OSBPL5: variants seen among roughly 807,000 people sequenced by gnomAD.
OSBPL5 encodes the protein oxysterol-binding protein-related protein 5.
A neutral mutation model predicts 111.2 loss-of-function variants in OSBPL5; 71 were observed. The observed-to-expected ratio is 0.64, with a 90% CI of 0.53 to 0.78. The LOEUF (loss-of-function observed/expected upper bound fraction) is 0.78. OSBPL5 is among the 30% of genes least tolerant of loss of function. The probability of loss-of-function intolerance (pLI) is 0.00; values close to 1 mark genes in which losing one functional copy is unlikely to be tolerated. For synonymous variants in OSBPL5, 549 were observed against 513.9 expected, an observed-to-expected ratio of 1.07 and a Z score of -0.93; for missense variants, 1,210 against 1,189.3, an observed-to-expected ratio of 1.02 and a Z score of -0.26.
intron 7 of OSBPL5, among the ~76,000 whole-genome samples, chr11:3,117,177 A>C (rs976937685): frequency 6.6e-6 from 1 of 152,200 alleles, no homozygotes; most frequent in African/African-American, 2.4e-5. Flanking sequence ...GCCTGGAATG[A>C]TGTGCTTTCC....
rs1857022620 is a variant in OSBPL5 at position 3,090,603 on chromosome 11, A to C, written c.2353T>G (p.Cys785Gly). The stretch of plus-strand genomic sequence containing the variant: ...TGCTCCTCGTCTGAGAGCTCTGGGC[A>C]GGACTCAGGCGTGGATCCGCTGCTC... ...TESSGSTPESCPELSDEEQDG... is the reference protein window; with the variant it reads ...TESSGSTPESGPELSDEEQDG... The change falls in exon 20 of 22, where the codon TGC (cysteine) becomes GGC (glycine). Residue 785 changes from cysteine (C) to glycine (G), a missense_variant. Coordinates refer to ENST00000263650, the MANE Select transcript of OSBPL5 (RefSeq NM_020896.4). The C allele has an allele frequency of 1.2e-6, 2 of 1,613,050 alleles. No individual in the cohort carries two copies. Among genetic ancestry groups the C allele is most frequent in the African/African-American group, 1.3e-5 (1 of 74,940 alleles).
At position 3,107,309 on chromosome 11, in the gene OSBPL5, C is replaced by T. The variant is rs77195727; in HGVS notation, c.1013G>A (p.Arg338Gln). 8.3e-5 allele frequency: 134 copies of T among 1,613,592 alleles called. No homozygotes were observed. Among genetic ancestry groups the T allele is most frequent in the Middle Eastern group, 3.3e-4 (2 of 6,058 alleles). Residue 338 changes from arginine to glutamine, a missense_variant, in exon 9 of 22, where the codon CGG (arginine) becomes CAG (glutamine). Arg to Gln is a conservative substitution (Grantham distance 43). Coordinates refer to ENST00000263650, the MANE Select transcript of OSBPL5 (RefSeq NM_020896.4). This position sits in a 1 kb window ranked among gnomAD's most constrained non-coding sequence, Gnocchi z 6.1. The part of the protein sequence containing the change: ...DQSETPGAPV[R>Q]RGTTYVEQVQ... ...CTGCTCCACATAGGTGGTCCCTCTC[C>T]GCACCGGGGCCCCAGGGGTCTCTGA... is the stretch of plus-strand genomic sequence containing the variant.
At chr11:3,144,623 C>A (rs1475239936) in intron 1 of OSBPL5, among the ~76,000 whole-genome samples, 1 of 152,264 alleles carries the variant, frequency 6.6e-6, no homozygotes, top group East Asian at 1.9e-4. Context: ...TGAGCAGCCA[C>A]ACACGTGGGT....
Position 3,122,399 on chromosome 11 carries a change from G to A in OSBPL5, c.249C>T (p.Asp83=). The change falls in exon 4 of 22, where the codon GAC becomes GAT. Residue 83 remains aspartate, a synonymous_variant. Coordinates refer to ENST00000263650, the MANE Select transcript of OSBPL5 (RefSeq NM_020896.4). ...TGGCGGTGGGGGACACACATTCCTT[G>A]TCTGACCCGTTGCACAGCCTGTACT... ...PAEYRLCNGS[D]KECVSPTARV... 1.2e-6 allele frequency: 2 copies of A among 1,613,906 alleles called. No individual in the cohort carries two copies. Among genetic ancestry groups the A allele is most frequent in the Non-Finnish European group, 1.7e-6 (2 of 1,179,978 alleles).
intron 14 of OSBPL5, among the ~76,000 whole-genome samples, chr11:3,098,075 A>G (rs1035531837): frequency 6.6e-6 from 1 of 152,160 alleles, no homozygotes; most frequent in South Asian, 2.1e-4. Context: ...ACTTCGTCTC[A>G]AAACAAAAAT....
intron 2 of OSBPL5, among the ~76,000 whole-genome samples, chr11:3,128,210 T>A (rs902363319): frequency 5.3e-5 from 8 of 152,086 alleles, no homozygotes; most frequent in Admixed American, 2.0e-4. Flanking sequence ...CGCCCAATGC[T>A]CTCCCACTCC....
rs570228803 is a variant in OSBPL5 at position 3,103,018 on chromosome 11, C to T, written c.1326+221G>A. ...TGGGGCCTTGAGGGATGAGACCACC[C>T]TTGGGGACCCGGCCTGAGCCATCCA... On this transcript the variant is annotated intron_variant, in intron 11 of 21. Transcript: ENST00000263650. Among the ~76,000 whole-genome samples the T allele has an allele frequency of 1.9e-3, 284 of 152,274 alleles. No homozygotes were observed. Among genetic ancestry groups the T allele is most frequent in the Non-Finnish European group, 3.2e-3 (220 of 68,004 alleles).
Position 3,094,209 on chromosome 11 carries a change from G to A in OSBPL5, c.1719+28C>T, listed in dbSNP as rs115350629. 2.7e-4 allele frequency: 430 copies of A among 1,604,846 alleles called. 2 individuals carry two copies. The African/African-American group carries it at 5.2e-3, about 19-fold the overall frequency. ...AAGGCTTCGTTCCTTCCCTGGCCTC[G>A]TCTCCCCCAGGCTGCAGCCAGCGCT... is the stretch of plus-strand genomic sequence containing the variant. On this transcript the variant is annotated intron_variant, in intron 15 of 21. Coordinates refer to ENST00000263650, the MANE Select transcript of OSBPL5 (RefSeq NM_020896.4).
chr11:3,088,114 G>A lies in OSBPL5; in HGVS notation c.*91C>T, dbSNP rs988685080. ...CCCCGTCACAGTGGCTGTGCTTGCC[G>A]GGCCTCTCTGCCTCCATGGAGCAGG... On this transcript the variant is annotated 3_prime_UTR_variant, in exon 22 of 22. Transcript: ENST00000263650. The A allele has an allele frequency of 4.9e-5, 61 of 1,252,124 alleles. No individual in the cohort carries two copies. Among genetic ancestry groups the A allele is most frequent in the African/African-American group, 4.0e-4 (26 of 65,324 alleles). 77.6% of individuals were successfully genotyped at this position (1,252,124 alleles called of 1,614,324 possible).
At chr11:3,098,169 A>G (rs1590640388) in intron 14 of OSBPL5, among the ~76,000 whole-genome samples, 1 of 151,998 alleles carries the variant, frequency 6.6e-6, no homozygotes, top group Admixed American at 6.6e-5. Context: ...AAAATGGAAA[A>G]CTCAGTGGAT....
chr11:3,145,761 G>C (rs1846320219), intron 1 of OSBPL5, among the ~76,000 whole-genome samples: 1 of 152,228 alleles, frequency 6.6e-6, no homozygotes, highest in African/African-American at 2.4e-5. Context: ...CTGGTGGGAA[G>C]TGGGGCCTGG....
Position 3,121,955 on chromosome 11 carries a change from C to T in OSBPL5, c.402+42G>A. 1 of 1,507,732 alleles carries T rather than the reference C, an allele frequency of 6.6e-7. No individual in the cohort carries two copies. Among genetic ancestry groups the T allele is most frequent in the African/African-American group, 1.4e-5 (1 of 72,690 alleles). 93.4% of individuals were successfully genotyped at this position (1,507,732 alleles called of 1,614,324 possible). A position where few individuals can be genotyped will look rare whatever the true frequency, so the allele number is the denominator to read the frequency against. ...GGTCCTTTGTTATGGCAGCAGCACGCTGACCCGTGTCCTGGGTGGCCGGAG... is the reference window on the plus strand; with the variant it reads ...GGTCCTTTGTTATGGCAGCAGCACGTTGACCCGTGTCCTGGGTGGCCGGAG... On this transcript the variant is annotated intron_variant, in intron 5 of 21. Coordinates refer to ENST00000263650, the MANE Select transcript of OSBPL5 (RefSeq NM_020896.4). The surrounding 1 kb of genome is among the most constrained non-coding windows in gnomAD (Gnocchi z 4.3).
chr11:3,148,634 G>A (rs1197838544), intron 1 of OSBPL5, among the ~76,000 whole-genome samples: 1 of 152,166 alleles, frequency 6.6e-6, no homozygotes, highest in Non-Finnish European at 1.5e-5. Flanking sequence ...TCTATCATAC[G>A]AAGCCAAACG....
At chr11:3,134,555 G>A (rs1163446503) in intron 1 of OSBPL5, among the ~76,000 whole-genome samples, 10 of 152,236 alleles carry the variant, frequency 6.6e-5, no homozygotes, top group Non-Finnish European at 1.3e-4. Context: ...TCCCAGGTGG[G>A]TGCCCTGCCC....
rs1445351637 is a variant in OSBPL5, at chr11:3,142,612, G to A, written c.-21-13443C>T. Among the ~76,000 whole-genome samples the A allele has an allele frequency of 6.6e-6, 1 of 152,250 alleles. No homozygotes were observed. Among genetic ancestry groups the A allele is most frequent in the African/African-American group, 2.4e-5 (1 of 41,470 alleles). ...AGGTCTGAGAGTCACCGTCTCGCGG[G>A]TGGAGAGCCTGGGTGGTGCGTTTAT... On this transcript the variant is annotated intron_variant, in intron 1 of 21. Transcript: ENST00000263650. The surrounding 1 kb of genome is among the most constrained non-coding windows in gnomAD (Gnocchi z 7.1).
chr11:3,098,681 A>G (rs142741818), intron 14 of OSBPL5, among the ~76,000 whole-genome samples: 32 of 151,644 alleles, frequency 2.1e-4, no homozygotes, highest in African/African-American at 6.5e-4. Context: ...AATTTTGTAT[A>G]TTTATTAGAG....
At position 3,107,552 on chromosome 11, in the gene OSBPL5, C is replaced by T. The variant is rs774922247; in HGVS notation, c.867-97G>A. 160 of 1,434,534 alleles carry T rather than the reference C, an allele frequency of 1.1e-4. 1 individual carries two copies. The highest frequency in any genetic ancestry group is 1.5e-4 in the Non-Finnish European group (152 of 1,038,234). The allele number at this position is 1,434,534 out of a possible 1,614,324, so 88.9% of individuals were successfully genotyped here. On this transcript the variant is annotated intron_variant, in intron 8 of 21. Coordinates refer to ENST00000263650, the MANE Select transcript of OSBPL5 (RefSeq NM_020896.4). This position sits in a 1 kb window ranked among gnomAD's most constrained non-coding sequence, Gnocchi z 6.1. ...CCCTCGCTGCTCCGCACTTCACATACGTTCCTGCCTGTCGTCACCTCCACA... is the reference window on the plus strand; with the variant it reads ...CCCTCGCTGCTCCGCACTTCACATATGTTCCTGCCTGTCGTCACCTCCACA...
chr11:3,101,500 G>A (rs138375048), intron 13 of OSBPL5, 103 bp downstream of exon 13: 4 of 1,091,728 alleles, frequency 3.7e-6, no homozygotes, highest in Non-Finnish European at 5.4e-6. Context: ...GGGAGGGACA[G>A]GCACATGGCC....
intron 19 of OSBPL5, among the ~76,000 whole-genome samples, chr11:3,090,947 C>A (rs1857035372): frequency 1.3e-5 from 2 of 152,224 alleles, no homozygotes; most frequent in South Asian, 4.1e-4. Flanking sequence ...TGAGCAAGGG[C>A]CTGCAAGGTG....
Sources: gnomAD v4.1 joint callset for allele counts (sites outside exome capture counted in the v4.1 genomes callset) on GRCh38, gnomAD v4.1.1 for gene constraint, Gnocchi (gnomAD v3.1) non-coding constraint, MANE v1.5 for transcripts, NCBI Gene and HGNC (gene_info 2026-07-23, HGNC 2026-07-21) for gene names.